Variants in RELN observed in about 807,000 individuals in gnomAD.
RELN encodes reelin.
RELN carries 108 observed loss-of-function variants against 427.6 expected under a neutral mutation model. The observed-to-expected ratio is 0.25, with a 90% CI of 0.22 to 0.30. RELN has a LOEUF of 0.30. RELN is among the 10% of genes least tolerant of loss of function. The pLI, the probability that RELN is intolerant of heterozygous loss-of-function variation, is 1.00. For synonymous variants in RELN, 1,524 were observed against 1,513.4 expected (o/e 1.01, Z -0.16); for missense variants, 3,715 against 4,302.8 (o/e 0.86, Z 3.82).
Position 103,501,048 on chromosome 7 carries a change from G to A in RELN, c.8490-126C>T, listed in dbSNP as rs1475011594. 6 of 848,042 alleles carry A rather than the reference G, an allele frequency of 7.1e-6. No individual in the cohort carries two copies. In the East Asian group the frequency reaches 1.3e-4, roughly 18 times the overall value. The allele number at this position is 848,042 out of a possible 1,614,324, so 52.5% of individuals were successfully genotyped here. ...AAGATACTCTTACTAGATGAAATAG[G>A]TTAATAAAAAATGTTTTCTGACCAC... On this transcript the variant is annotated intron_variant, in intron 52 of 64. Transcript: ENST00000428762.
rs1391963961 is a variant in RELN, at chr7:103,907,414, GGAAAAAAAAAAA to G, written c.337+9649_337+9660del. ...GCCTGGGCAACAAGATCAAGGCTCT[GGAAAAAAAAAAA>G]AAAAAAAAAAAAAAAAAGCCAGGCA... On this transcript the variant is annotated intron_variant, in intron 2 of 64. Transcript: ENST00000428762. 1.3e-3 allele frequency among the ~76,000 whole-genome samples: 53 copies of G among 39,688 alleles called. 1 individual carries two copies. The highest frequency in any genetic ancestry group is 4.1e-3 in the African/African-American group (32 of 7,854). The allele number at this position is 39,688 out of a possible 152,430, so 26.0% of individuals were successfully genotyped here.
intron 25 of RELN, 84 bp downstream of exon 25, chr7:103,596,371 GT>G: frequency 8.3e-7 from 1 of 1,210,592 alleles, no homozygotes; most frequent in East Asian, 2.3e-5. Flanking sequence ...TTTTGCAACA[GT>G]TAACATTTTG....
chr7:103,955,155 A>G (rs1050424774), intron 1 of RELN, among the ~76,000 whole-genome samples: 5 of 152,322 alleles, frequency 3.3e-5, no homozygotes, highest in Admixed American at 1.3e-4. Flanking sequence ...AACGAAAATC[A>G]TAAGTTAAGA....
intron 1 of RELN, among the ~76,000 whole-genome samples, chr7:103,956,173 C>T (rs1248611021): frequency 6.6e-6 from 1 of 152,198 alleles, no homozygotes; most frequent in Non-Finnish European, 1.5e-5. Flanking sequence ...CCATAAAGTG[C>T]TACATCCCAG....
At chr7:103,738,849 A>T (rs963851862) in intron 6 of RELN, among the ~76,000 whole-genome samples, 9 of 151,442 alleles carry the variant, frequency 5.9e-5, no homozygotes, top group Admixed American at 5.9e-4. Context: ...TGCCCAGCTA[A>T]TTTTTGTATT....
At chr7:103,946,861 C>T (rs1796230061) in intron 1 of RELN, among the ~76,000 whole-genome samples, 1 of 152,130 alleles carries the variant, frequency 6.6e-6, no homozygotes, top group South Asian at 2.1e-4. Context: ...AATGTGATTG[C>T]CTTTCATCCA....
At chr7:103,839,978 G>A (rs1339130178) in intron 2 of RELN, among the ~76,000 whole-genome samples, 1 of 152,184 alleles carries the variant, frequency 6.6e-6, no homozygotes, top group Admixed American at 6.5e-5. Context: ...GTTCTCACGA[G>A]ATCTGGTTGT....
intron 10 of RELN, among the ~76,000 whole-genome samples, chr7:103,685,567 G>T (rs1204554545): frequency 6.6e-6 from 1 of 151,918 alleles, no homozygotes; most frequent in Non-Finnish European, 1.5e-5. Context: ...TCTGCAGCTG[G>T]TTCTAAATTT....
chr7:103,649,522 T>G (rs185468450), intron 16 of RELN, among the ~76,000 whole-genome samples: 1 of 152,098 alleles, frequency 6.6e-6, no homozygotes, highest in Admixed American at 6.6e-5. Flanking sequence ...TTCACCACTA[T>G]GCAATATATT....
intron 1 of RELN, among the ~76,000 whole-genome samples, chr7:103,985,169 A>T (rs1444187229): frequency 1.3e-5 from 2 of 152,100 alleles, no homozygotes; most frequent in Admixed American, 1.3e-4. Flanking sequence ...TTAAAGTGGG[A>T]GTAGATATAC....
chr7:103,984,555 A>G (rs1295862792), intron 1 of RELN, among the ~76,000 whole-genome samples: 4 of 152,196 alleles, frequency 2.6e-5, no homozygotes, highest in Non-Finnish European at 5.9e-5. Context: ...CACAGTGAAT[A>G]TAAATTACAG....
At chr7:103,547,690 G>A (rs1830329925) in intron 41 of RELN, among the ~76,000 whole-genome samples, 1 of 152,214 alleles carries the variant, frequency 6.6e-6, no homozygotes, top group Non-Finnish European at 1.5e-5. Context: ...TTGGCAAGAA[G>A]CACTTCTTAC....
chr7:103,890,570 C>T (rs1584337333), intron 2 of RELN, among the ~76,000 whole-genome samples: 1 of 152,118 alleles, frequency 6.6e-6, no homozygotes, highest in South Asian at 2.1e-4. Context: ...ACCATCCCCA[C>T]CCCCTACTGT....
intron 11 of RELN, among the ~76,000 whole-genome samples, chr7:103,664,728 G>A (rs1833219965): frequency 6.6e-6 from 1 of 152,124 alleles, no homozygotes; most frequent in African/African-American, 2.4e-5. Flanking sequence ...TTAGTAGTGA[G>A]GCTAAATATA....
In RELN at chr7:103,523,436, A is replaced by G. The variant is rs1193227613; in HGVS notation, c.7445T>C (p.Ile2482Thr). The G allele has an allele frequency of 3.1e-6, 5 of 1,614,030 alleles. No individual in the cohort carries two copies. Among genetic ancestry groups the G allele is most frequent in the Middle Eastern group, 1.6e-4 (1 of 6,082 alleles). The change falls in exon 47 of 65, where the codon ATA (isoleucine) becomes ACA (threonine). Residue 2482 changes from isoleucine to threonine, a missense_variant. Physicochemically the swap from Ile to Thr is moderately conservative, Grantham distance 89. Around this residue, in one of 4 missense-constraint regions of RELN, gnomAD observed 1,310 missense variants for 1,643.0 expected, o/e 0.80. Transcript: ENST00000428762. ...TCTCCCATGGCCACTGCACATGTCTATGCAGCCATCCCCGATATAGACATT... is the reference window on the plus strand; with the variant it reads ...TCTCCCATGGCCACTGCACATGTCTGTGCAGCCATCCCCGATATAGACATT... ...IDNVYIGDGC[I>T]DMCSGHGRCI...
At chr7:103,517,291 C>T (rs1829590740) in intron 49 of RELN, among the ~76,000 whole-genome samples, 1 of 151,986 alleles carries the variant, frequency 6.6e-6, no homozygotes, top group Non-Finnish European at 1.5e-5. Context: ...CACACAATCG[C>T]ACTTCTTCAC....
intron 6 of RELN, among the ~76,000 whole-genome samples, chr7:103,744,912 T>C (rs1414929388): frequency 1.3e-5 from 2 of 152,222 alleles, no homozygotes; most frequent in Non-Finnish European, 2.9e-5. Context: ...CTAACTCATT[T>C]TATGAGGCCA....
At chr7:103,890,395 A>C (rs1356320003) in intron 2 of RELN, among the ~76,000 whole-genome samples, 1 of 152,114 alleles carries the variant, frequency 6.6e-6, no homozygotes, top group Non-Finnish European at 1.5e-5. Flanking sequence ...ACACAGCAGG[A>C]GGTAAGGTGA....
At chr7:103,623,332 C>A (rs1457575766) in intron 20 of RELN, among the ~76,000 whole-genome samples, 1 of 152,238 alleles carries the variant, frequency 6.6e-6, no homozygotes, top group Admixed American at 6.5e-5. Flanking sequence ...AGAAACAATT[C>A]CAAGAATACT....
Sources: gnomAD v4.1 joint callset for allele counts (sites outside exome capture counted in the v4.1 genomes callset) on GRCh38, gnomAD v4.1.1 for gene constraint, gnomAD v4.1.1 regional missense constraint, MANE v1.5 for transcripts, NCBI Gene and HGNC (gene_info 2026-07-23, HGNC 2026-07-21) for gene names.